SGMS1: variants seen among roughly 807,000 people sequenced by gnomAD.
SGMS1 encodes the protein phosphatidylcholine:ceramide cholinephosphotransferase 1.
In SGMS1, 13 loss-of-function variants were observed where a neutral mutation model predicts 46.2. The observed-to-expected ratio is 0.28, with a 90% confidence interval of 0.18 to 0.45. SGMS1 has a LOEUF of 0.45. Ranked by LOEUF, SGMS1 falls within the 20% of genes least tolerant of loss-of-function variation. The pLI is 1.00. For missense variants in SGMS1, 324 were observed against 519.9 expected, an observed-to-expected ratio of 0.62 and a Z score of 3.66; for synonymous variants, 203 against 187.8, an observed-to-expected ratio of 1.08 and a Z score of -0.66.
At chr10:50,552,022 C>T (rs907469498) in intron 2 of SGMS1, among the ~76,000 whole-genome samples, 5 of 152,146 alleles carry the variant, frequency 3.3e-5, no homozygotes, top group African/African-American at 9.7e-5. Flanking sequence ...AAAACAGTCA[C>T]ACGCAATATG....
At chr10:50,362,099 A>T (rs1382843121) in intron 6 of SGMS1, among the ~76,000 whole-genome samples, 1 of 152,226 alleles carries the variant, frequency 6.6e-6, no homozygotes, top group African/African-American at 2.4e-5. Flanking sequence ...CTGAATACCT[A>T]ATTAAATGAG....
At chr10:50,380,123 G>T (rs1848579908) in intron 6 of SGMS1, among the ~76,000 whole-genome samples, 1 of 152,120 alleles carries the variant, frequency 6.6e-6, no homozygotes, top group Non-Finnish European at 1.5e-5. Flanking sequence ...GCTCATATCT[G>T]TAATCCCAGC....
At chr10:50,582,067 T>G (rs1588883665) in intron 2 of SGMS1, among the ~76,000 whole-genome samples, 1 of 152,232 alleles carries the variant, frequency 6.6e-6, no homozygotes, top group Non-Finnish European at 1.5e-5. Flanking sequence ...TTGTGAATGC[T>G]GAATGGCAAG....
In SGMS1 at chr10:50,343,881, G is replaced by A. The variant is rs776127190; in HGVS notation, c.234C>T (p.Asn78=). The A allele has an allele frequency of 1.4e-5, 23 of 1,614,118 alleles. No individual in the cohort carries two copies. The highest frequency in any genetic ancestry group is 2.2e-5 in the East Asian group (1 of 44,876). ...TGTTGAGGTGCCCATTGGCATGGCC[G>A]TTCTTGTGTGCTTCCAAATGGTGCT... ...KMEHHLEAHK[N]GHANGHLNIG... The change falls in exon 7 of 11, where the codon AAC becomes AAT. Residue 78 remains asparagine, a synonymous_variant. Coordinates refer to ENST00000361781, the MANE Select transcript of SGMS1 (RefSeq NM_147156.4).
chr10:50,461,709 T>C (rs1212877125), intron 4 of SGMS1, among the ~76,000 whole-genome samples: 2 of 152,096 alleles, frequency 1.3e-5, no homozygotes, highest in Non-Finnish European at 2.9e-5. Context: ...ATAGGTGCTC[T>C]CCAGCTGTCA....
At chr10:50,478,297 T>C (rs1837446367) in intron 3 of SGMS1, among the ~76,000 whole-genome samples, 1 of 152,130 alleles carries the variant, frequency 6.6e-6, no homozygotes, top group South Asian at 2.1e-4. Flanking sequence ...TACTAAGAAA[T>C]AAAATATTTT....
At chr10:50,326,445 G>A (rs1046251244) in intron 8 of SGMS1, among the ~76,000 whole-genome samples, 1 of 152,168 alleles carries the variant, frequency 6.6e-6, no homozygotes, top group South Asian at 2.1e-4. Flanking sequence ...GCAAAGAAAT[G>A]ATCTCAAATA....
intron 1 of SGMS1, among the ~76,000 whole-genome samples, chr10:50,605,795 C>A (rs1445275154): frequency 6.6e-6 from 1 of 152,132 alleles, no homozygotes; most frequent in Non-Finnish European, 1.5e-5. Context: ...AATTTTGTTA[C>A]ATGCATAGAT....
intron 6 of SGMS1, among the ~76,000 whole-genome samples, chr10:50,415,253 T>A (rs1170032725): frequency 1.3e-5 from 2 of 152,224 alleles, no homozygotes; most frequent in Non-Finnish European, 2.9e-5. Context: ...TTAGCAAACA[T>A]ACGCTACATA....
At chr10:50,618,223 T>C (rs964451823) in intron 1 of SGMS1, among the ~76,000 whole-genome samples, 1 of 152,144 alleles carries the variant, frequency 6.6e-6, no homozygotes, top group East Asian at 1.9e-4. Flanking sequence ...GAACTTCAAA[T>C]AGAATAAAGC....
At chr10:50,598,732 C>T (rs565524399) in intron 1 of SGMS1, among the ~76,000 whole-genome samples, 2 of 152,188 alleles carry the variant, frequency 1.3e-5, no homozygotes, top group African/African-American at 4.8e-5. Flanking sequence ...TGAGTGACTC[C>T]ATGAAATTAT....
At chr10:50,459,048 A>G (rs1056341805) in intron 5 of SGMS1, among the ~76,000 whole-genome samples, 1 of 152,210 alleles carries the variant, frequency 6.6e-6, no homozygotes, top group African/African-American at 2.4e-5. Context: ...GAACTATGGA[A>G]GAATATTTCT....
At chr10:50,566,452 C>T (rs1256579164) in intron 2 of SGMS1, among the ~76,000 whole-genome samples, 1 of 152,158 alleles carries the variant, frequency 6.6e-6, no homozygotes, top group Non-Finnish European at 1.5e-5. Context: ...ACAGCTTCTT[C>T]TGTTTTTAAA....
chr10:50,500,428 A>C (rs1564929149), intron 3 of SGMS1, among the ~76,000 whole-genome samples: 1 of 152,030 alleles, frequency 6.6e-6, no homozygotes, highest in Non-Finnish European at 1.5e-5. Context: ...CTTACTTCTC[A>C]TTTAAAGAAA....
rs181096194 is a variant in SGMS1 at position 50,307,679 on chromosome 10, G to A, written c.1062+303C>T. ...TGTGATGTGCCCCGGGTAGGGAGAAGAGGATAGGAAAGCAAATCAAGCAAG... is the reference window on the plus strand; with the variant it reads ...TGTGATGTGCCCCGGGTAGGGAGAAAAGGATAGGAAAGCAAATCAAGCAAG... On this transcript the variant is annotated intron_variant, in intron 10 of 10. Transcript: ENST00000361781. The surrounding 1 kb of genome is among the most constrained non-coding windows in gnomAD (Gnocchi z 4.2). Among the ~76,000 whole-genome samples the A allele has an allele frequency of 1.9e-3, 290 of 152,304 alleles. 1 individual carries two copies. The highest frequency in any genetic ancestry group is 6.8e-3 in the African/African-American group (282 of 41,568).
At chr10:50,352,434 T>C (rs1217085434) in intron 6 of SGMS1, among the ~76,000 whole-genome samples, 1 of 152,130 alleles carries the variant, frequency 6.6e-6, no homozygotes, top group East Asian at 1.9e-4. Context: ...TGTTAAAAAA[T>C]AACATAGAGC....
At chr10:50,489,429 A>G (rs535220498) in intron 3 of SGMS1, among the ~76,000 whole-genome samples, 28 of 152,284 alleles carry the variant, frequency 1.8e-4, no homozygotes, top group African/African-American at 6.5e-4. Flanking sequence ...ATATTATTCG[A>G]CCTGCTTCTT....
intron 2 of SGMS1, among the ~76,000 whole-genome samples, chr10:50,577,147 G>A (rs778691468): frequency 4.5e-4 from 69 of 152,320 alleles, no homozygotes; most frequent in South Asian, 8.3e-4. Flanking sequence ...CGTTAAGCTA[G>A]GGGTAACTTG....
At chr10:50,391,840 TAA>T (rs146392084) in intron 6 of SGMS1, among the ~76,000 whole-genome samples, 78 of 123,404 alleles carry the variant, frequency 6.3e-4, no homozygotes, top group African/African-American at 1.5e-3. Flanking sequence ...ATGCAATCAT[TAA>T]AAAAAAAAAA....
Sources: allele counts gnomAD v4.1 joint callset (sites outside exome capture counted in the v4.1 genomes callset), GRCh38; gene constraint gnomAD v4.1.1; non-coding constraint Gnocchi (gnomAD v3.1); transcripts MANE v1.5; gene names NCBI Gene and HGNC (gene_info 2026-07-23, HGNC 2026-07-21).